PCSK9: variants seen among roughly 807,000 people sequenced by gnomAD.
PCSK9 encodes the protein proprotein convertase subtilisin/kexin type 9, also known as convertase subtilisin/kexin type 9 preproprotein.
Under a neutral mutation model 62.1 loss-of-function variants are expected in PCSK9, and 57 were observed. That is an observed-to-expected ratio of 0.92 (90% CI 0.74 to 1.14). The LOEUF is 1.14. PCSK9 is among the 50% of genes most tolerant of loss of function. The pLI is 0.00. For synonymous variants in PCSK9, 387 were observed against 409.4 expected, an observed-to-expected ratio of 0.95 and a Z score of 0.66; for missense variants, 870 against 959.8, an observed-to-expected ratio of 0.91 and a Z score of 1.24.
chr1:55,058,682 T>C (rs989332627), intron 9 of PCSK9, 35 bp downstream of exon 9: 6 of 384,008 alleles, frequency 1.6e-5, no homozygotes, highest in African/African-American at 1.1e-4. Context: ...TGTGTGTGTG[T>C]GTGTGTGTGT....
Position 55,040,180 on chromosome 1 carries a change from C to T in PCSK9, c.207+136C>T, listed in dbSNP as rs1006475444. ...GTCGCCGAGGGCTCTTCGCTTGGCACGATCTTGGGGACTGCAGGCAAGGCG... is the reference window on the plus strand; with the variant it reads ...GTCGCCGAGGGCTCTTCGCTTGGCATGATCTTGGGGACTGCAGGCAAGGCG... On this transcript the variant is annotated intron_variant, in intron 1 of 11. Coordinates refer to ENST00000302118, the MANE Select transcript of PCSK9 (RefSeq NM_174936.4). This position sits in a 1 kb window ranked among gnomAD's most constrained non-coding sequence, Gnocchi z 4.1. 13 of 1,230,336 alleles carry T rather than the reference C, an allele frequency of 1.1e-5. No homozygotes were observed. Among genetic ancestry groups the T allele is most frequent in the Non-Finnish European group, 1.5e-5 (13 of 886,912 alleles). The allele number at this position is 1,230,336 out of a possible 1,614,324, so 76.2% of individuals were successfully genotyped here. A position where few individuals can be genotyped will look rare whatever the true frequency, so the allele number is the denominator to read the frequency against.
Position 55,052,267 on chromosome 1 carries a change from GC to G in PCSK9, c.524-9del, listed in dbSNP as rs751658486. Reference sequence around the variant, plus strand: ...CATTCCCTCCTCTCCCACAAATGTCGCCTTGGAAAGACGGAGGCAGCCTGGT... The same window carrying G: ...CATTCCCTCCTCTCCCACAAATGTCGCTTGGAAAGACGGAGGCAGCCTGGT... On this transcript the variant is annotated splice_polypyrimidine_tract_variant and intron_variant, in intron 3 of 11. Coordinates refer to ENST00000302118, the MANE Select transcript of PCSK9 (RefSeq NM_174936.4). 3.6e-5 allele frequency: 58 copies of G among 1,613,710 alleles called. No individual in the cohort carries two copies. Among genetic ancestry groups the G allele is most frequent in the Non-Finnish European group, 4.8e-5 (57 of 1,180,022 alleles).
intron 6 of PCSK9, among the ~76,000 whole-genome samples, chr1:55,056,511 C>T (rs977518880): frequency 4.7e-4 from 71 of 152,190 alleles, no homozygotes; most frequent in Non-Finnish European, 4.0e-4. Context: ...TTCTGGTACC[C>T]GCCCCCTCCC....
intron 6 of PCSK9, 69 bp downstream of exon 6, chr1:55,056,258 G>T (rs1314997770): frequency 2.8e-6 from 2 of 720,920 alleles, no homozygotes; most frequent in East Asian, 5.4e-5. Flanking sequence ...GGGAGGGCGG[G>T]CGGGCAGGCG....
chr1:55,049,930 C>T (rs28362231), intron 3 of PCSK9, among the ~76,000 whole-genome samples: 2,172 of 152,320 alleles, frequency 0.014, 53 homozygotes, highest in African/African-American at 0.05. Context: ...GTCCCAAGCA[C>T]GGGTGGGACC....
rs1236589300 is a variant in PCSK9, at chr1:55,052,796, G to C, written c.799+5G>C. The C allele has an allele frequency of 1.9e-6, 3 of 1,612,926 alleles. No homozygotes were observed. Among genetic ancestry groups the C allele is most frequent in the Non-Finnish European group, 2.5e-6 (3 of 1,179,952 alleles). ...CGGTTAGCGGCACCCTCATAGGTAA[G>C]TGATGGCCCCAGACGCTGGTCTCTC... On this transcript the variant is annotated splice_donor_5th_base_variant and intron_variant, in intron 5 of 11. Coordinates refer to ENST00000302118, the MANE Select transcript of PCSK9 (RefSeq NM_174936.4).
At chr1:55,050,914 G>T in intron 3 of PCSK9, 1 of 347,390 alleles carries the variant, frequency 2.9e-6, no homozygotes, top group Non-Finnish European at 5.7e-6. Flanking sequence ...GCGGTGGGCT[G>T]TAAGTCCTGT....
At chr1:55,048,191 C>A (rs1347513275) in intron 3 of PCSK9, among the ~76,000 whole-genome samples, 1 of 152,176 alleles carries the variant, frequency 6.6e-6, no homozygotes, top group Non-Finnish European at 1.5e-5. Flanking sequence ...CCAACAGCGG[C>A]AGCACACCAA....
chr1:55,052,210 C>CTG, intron 3 of PCSK9, 68 bp from the exon 4 acceptor site: 4 of 1,604,922 alleles, frequency 2.5e-6, no homozygotes, highest in Non-Finnish European at 3.4e-6. Context: ...TCTGTAGTTT[C>CTG]TGTGTGTTAA....
intron 3 of PCSK9, 101 bp from the exon 4 acceptor site, chr1:55,052,177 T>C: frequency 1.3e-6 from 2 of 1,527,082 alleles, no homozygotes; most frequent in Non-Finnish European, 9.0e-7. Flanking sequence ...TTTAAGGCGC[T>C]TTCACCAGTG....
intron 2 of PCSK9, among the ~76,000 whole-genome samples, chr1:55,044,744 C>T (rs1557499839): frequency 6.6e-6 from 1 of 152,294 alleles, no homozygotes; most frequent in South Asian, 2.1e-4. Context: ...TGAGGCCCCA[C>T]GGTCTTGTCC....
At position 55,061,569 on chromosome 1, in the gene PCSK9, G is replaced by A. The variant is rs1479926090; in HGVS notation, c.1863+13G>A. 68 of 1,579,414 alleles carry A rather than the reference G, an allele frequency of 4.3e-5. No individual in the cohort carries two copies. Among genetic ancestry groups the A allele is most frequent in the South Asian group, 1.4e-4 (12 of 86,228 alleles). On this transcript the variant is annotated intron_variant, in intron 11 of 11. Transcript: ENST00000302118. ...CCCTCAGGAGCAGGTGAAGAGGCCC[G>A]TGAGGCCGGGTGGGTGGGGTGCTGC...
chr1:55,056,670 C>T (rs1320085702), intron 6 of PCSK9, among the ~76,000 whole-genome samples: 3 of 152,202 alleles, frequency 2.0e-5, no homozygotes, highest in African/African-American at 7.2e-5. Flanking sequence ...ACCCGAGGAA[C>T]ATCCACAGAG....
intron 3 of PCSK9, among the ~76,000 whole-genome samples, chr1:55,047,018 A>T (rs1644639761): frequency 6.6e-6 from 1 of 151,842 alleles, no homozygotes; most frequent in Non-Finnish European, 1.5e-5. Flanking sequence ...ACTGGACCAG[A>T]TCCTTTAATG....
chr1:55,043,772 G>T, intron 1 of PCSK9, 71 bp from the exon 2 acceptor site: 2 of 1,519,442 alleles, frequency 1.3e-6, no homozygotes, highest in South Asian at 1.2e-5. Flanking sequence ...GTAAGTAGGG[G>T]TGAGATAAAG....
At chr1:55,041,087 C>T (rs550549291) in intron 1 of PCSK9, among the ~76,000 whole-genome samples, 7 of 152,296 alleles carry the variant, frequency 4.6e-5, no homozygotes, top group Admixed American at 1.3e-4. Context: ...ATCGTCCCTA[C>T]GGCTCAGTGG....
At chr1:55,052,543 C>T (rs1644683012) in intron 4 of PCSK9, 107 bp from the exon 5 acceptor site, 4 of 1,603,790 alleles carry the variant, frequency 2.5e-6, no homozygotes. Context: ...ACTGTCCCCT[C>T]CCTGCCATCA....
At chr1:55,048,665 C>T (rs1644652517) in intron 3 of PCSK9, among the ~76,000 whole-genome samples, 1 of 152,206 alleles carries the variant, frequency 6.6e-6, no homozygotes, top group African/African-American at 2.4e-5. Flanking sequence ...ATGGGGAGGC[C>T]ACAAGCATGG....
intron 11 of PCSK9, among the ~76,000 whole-genome samples, chr1:55,062,064 C>T (rs771841266): frequency 7.2e-5 from 11 of 152,206 alleles, no homozygotes; most frequent in Non-Finnish European, 1.5e-4. Flanking sequence ...ACACAGAGCT[C>T]ACTCAGCCGT....
Sources: gnomAD v4.1 joint callset for allele counts (sites outside exome capture counted in the v4.1 genomes callset) on GRCh38, gnomAD v4.1.1 for gene constraint, Gnocchi (gnomAD v3.1) non-coding constraint, MANE v1.5 for transcripts, NCBI Gene and HGNC (gene_info 2026-07-23, HGNC 2026-07-21) for gene names.